CSMD1: variants seen among roughly 807,000 people sequenced by gnomAD.
CSMD1 encodes CUB and Sushi multiple domains 1.
A neutral mutation model predicts 417.5 loss-of-function variants in CSMD1; 213 were observed. The ratio of observed to expected loss-of-function variants is 0.51; its 90% confidence interval spans 0.46 to 0.57. The LOEUF is 0.57. Ranked by LOEUF, CSMD1 falls within the 20% of genes least tolerant of loss-of-function variation. CSMD1 has a pLI of 0.00. For synonymous variants in CSMD1, 2,862 were observed against 1,736.8 expected (o/e 1.65, Z -16.11); for missense variants, 6,923 against 4,529.7 (o/e 1.53, Z -15.17).
At chr8:3,690,130 C>A (rs376934290) in intron 7 of CSMD1, among the ~76,000 whole-genome samples, 14 of 152,190 alleles carry the variant, frequency 9.2e-5, no homozygotes, top group African/African-American at 3.4e-4. Context: ...AGGCTGAGAC[C>A]GGAGGATCAC....
At chr8:3,354,455 AAC>A (rs1429069007) in intron 21 of CSMD1, among the ~76,000 whole-genome samples, 1 of 45,534 alleles carries the variant, frequency 2.2e-5, no homozygotes, top group African/African-American at 6.5e-5. Flanking sequence ...TCAACTAAGA[AAC>A]AGAAACAGAA....
At chr8:4,801,597 G>A (rs988532579) in intron 1 of CSMD1, among the ~76,000 whole-genome samples, 6 of 152,144 alleles carry the variant, frequency 3.9e-5, no homozygotes, top group African/African-American at 1.4e-4. Flanking sequence ...CAGTTAGTGA[G>A]CACCTCTATG....
rs558206331 is a variant in CSMD1, at chr8:4,916,028, T to A, written c.85+78304A>T. Among the ~76,000 whole-genome samples the A allele has an allele frequency of 3.3e-5, 5 of 152,282 alleles. No individual in the cohort carries two copies. In the South Asian group the frequency reaches 1.0e-3, roughly 32 times the overall value. ...AGCTACACCTGTTGCCCCTCGTTCA[T>A]AGAATACACTAGATTTGCCCTGGAA... On this transcript the variant is annotated intron_variant, in intron 1 of 69. Transcript: ENST00000635120.
chr8:3,798,794 C>A (rs1800302655), intron 5 of CSMD1, among the ~76,000 whole-genome samples: 1 of 151,872 alleles, frequency 6.6e-6, no homozygotes, highest in African/African-American at 2.4e-5. Context: ...AATTATGGGA[C>A]ATCTGTTTAT....
chr8:4,775,918 G>A (rs565886095), intron 1 of CSMD1, among the ~76,000 whole-genome samples: 25 of 152,258 alleles, frequency 1.6e-4, no homozygotes, highest in Admixed American at 3.3e-4. Flanking sequence ...GTGGCACGCC[G>A]CAGCCATCCT....
At chr8:3,824,114 T>A (rs767052811) in intron 5 of CSMD1, among the ~76,000 whole-genome samples, 1 of 152,184 alleles carries the variant, frequency 6.6e-6, no homozygotes, top group South Asian at 2.1e-4. Flanking sequence ...CTCCTCATGC[T>A]ATGTCGGAAG....
intron 2 of CSMD1, among the ~76,000 whole-genome samples, chr8:4,456,831 T>TG (rs1799517264): frequency 6.6e-6 from 1 of 152,070 alleles, no homozygotes; most frequent in African/African-American, 2.4e-5. Context: ...AGTGGGTACC[T>TG]GCAGGACCCA....
chr8:3,884,029 T>A lies in CSMD1; in HGVS notation c.818+113874A>T, dbSNP rs943104447. 3.9e-5 allele frequency among the ~76,000 whole-genome samples: 6 copies of A among 152,192 alleles called. No homozygotes were observed. In the East Asian group the frequency reaches 5.8e-4, roughly 15 times the overall value. ...AATTTGCTAAATATTTTAGTTTTCA[T>A]GCAAAAGATAACATTAACTTCTCTA... On this transcript the variant is annotated intron_variant, in intron 5 of 69. Coordinates refer to ENST00000635120, the MANE Select transcript of CSMD1 (RefSeq NM_033225.6).
At chr8:3,187,010 G>A (rs1821805920) in intron 36 of CSMD1, among the ~76,000 whole-genome samples, 1 of 152,190 alleles carries the variant, frequency 6.6e-6, no homozygotes, top group Non-Finnish European at 1.5e-5. Flanking sequence ...CCAATGTAAT[G>A]CCGGGCTTAC....
chr8:3,964,587 T>C (rs895983941), intron 5 of CSMD1, among the ~76,000 whole-genome samples: 1 of 152,210 alleles, frequency 6.6e-6, no homozygotes. Context: ...AATTCTCTGA[T>C]CCACTTAAAT....
chr8:3,357,290 G>A (rs759146897), intron 21 of CSMD1, among the ~76,000 whole-genome samples: 16 of 152,214 alleles, frequency 1.1e-4, no homozygotes, highest in Non-Finnish European at 2.2e-4. Flanking sequence ...CAGGCTCCCT[G>A]GGTTCGAGTC....
At chr8:4,527,624 A>G (rs1796586236) in intron 2 of CSMD1, among the ~76,000 whole-genome samples, 1 of 152,218 alleles carries the variant, frequency 6.6e-6, no homozygotes, top group Non-Finnish European at 1.5e-5. Context: ...TTGCAGCCAT[A>G]GATCCCAGAA....
chr8:3,984,140 T>C (rs1814130440), intron 5 of CSMD1, among the ~76,000 whole-genome samples: 1 of 152,030 alleles, frequency 6.6e-6, no homozygotes, highest in Non-Finnish European at 1.5e-5. Flanking sequence ...GATGGGGCTG[T>C]CAATTGCAGC....
At chr8:3,756,370 A>T (rs1012536607) in intron 5 of CSMD1, among the ~76,000 whole-genome samples, 2 of 150,592 alleles carry the variant, frequency 1.3e-5, no homozygotes, top group African/African-American at 4.9e-5. Flanking sequence ...AAAAAAAATC[A>T]TTAGTTTCTT....
chr8:3,998,462 C>T (rs1402144306), intron 4 of CSMD1, among the ~76,000 whole-genome samples: 4 of 152,174 alleles, frequency 2.6e-5, no homozygotes, highest in African/African-American at 9.7e-5. Flanking sequence ...ATGTAAGCAA[C>T]ATTTTGAGAC....
chr8:4,039,751 G>A (rs368976332), intron 3 of CSMD1, among the ~76,000 whole-genome samples: 3 of 152,234 alleles, frequency 2.0e-5, no homozygotes, highest in Non-Finnish European at 2.9e-5. Context: ...ATAAATTGAT[G>A]TGGGGGAAGT....
At chr8:4,135,546 G>A (rs1162658538) in intron 3 of CSMD1, among the ~76,000 whole-genome samples, 3 of 151,920 alleles carry the variant, frequency 2.0e-5, no homozygotes, top group Non-Finnish European at 2.9e-5. Context: ...GTTTCAGATT[G>A]GAAACAAATA....
chr8:4,895,980 T>A (rs2117021379), intron 1 of CSMD1, among the ~76,000 whole-genome samples: 1 of 152,206 alleles, frequency 6.6e-6, no homozygotes, highest in South Asian at 2.1e-4. Flanking sequence ...AATGTTTAAA[T>A]TCTTGCCATC....
intron 3 of CSMD1, among the ~76,000 whole-genome samples, chr8:4,377,864 T>A (rs12679445): frequency 0.39 from 59,439 of 152,068 alleles, 12,331 homozygotes; most frequent in Non-Finnish European, 0.47. Context: ...GTAACTGTGA[T>A]TACTGCCGAA....
Sources: allele counts gnomAD v4.1 joint callset (sites outside exome capture counted in the v4.1 genomes callset), GRCh38; gene constraint gnomAD v4.1.1; transcripts MANE v1.5; gene names NCBI Gene and HGNC (gene_info 2026-07-23, HGNC 2026-07-21).